INPP5D: variants seen among roughly 807,000 people sequenced by gnomAD.
INPP5D encodes inositol polyphosphate-5-phosphatase D.
Under a neutral mutation model 122.9 loss-of-function variants are expected in INPP5D, and 33 were observed. The observed-to-expected ratio is 0.27, with a 90% CI of 0.20 to 0.36. The LOEUF is 0.36. INPP5D is among the 10% of genes least tolerant of loss of function. The probability of loss-of-function intolerance (pLI) is 1.00; values close to 1 mark genes in which losing one functional copy is unlikely to be tolerated. For missense variants in INPP5D, 1,053 were observed against 1,412.7 expected (o/e 0.75, Z 4.08); for synonymous variants, 584 against 576.2 (o/e 1.01, Z -0.19).
Position 233,078,271 on chromosome 2 carries a change from C to G in INPP5D, c.135-1064C>G, listed in dbSNP as rs1358008769. 6.6e-6 allele frequency among the ~76,000 whole-genome samples: 1 copy of G among 152,232 alleles called. No homozygotes were observed. The highest frequency in any genetic ancestry group is 1.5e-5 in the Non-Finnish European group (1 of 68,042). ...GCTAGCACTTGACAGCCCCCTTTTC[C>G]TCTCACAGGTTTTAGGAAAGTGAAA... On this transcript the variant is annotated intron_variant, in intron 1 of 26. Coordinates refer to ENST00000445964, the MANE Select transcript of INPP5D (RefSeq NM_001017915.3). The surrounding 1 kb of genome is among the most constrained non-coding windows in gnomAD (Gnocchi z 4.6).
At chr2:233,091,292 T>TGG (rs1313477722) in intron 2 of INPP5D, among the ~76,000 whole-genome samples, 16 of 152,254 alleles carry the variant, frequency 1.1e-4, no homozygotes, top group African/African-American at 3.9e-4. Flanking sequence ...TATCGCTGTC[T>TGG]GCAAGGGGAT....
intron 10 of INPP5D, 31 bp downstream of exon 10, chr2:233,158,450 G>T: frequency 1.4e-6 from 1 of 692,958 alleles, no homozygotes; most frequent in East Asian, 2.7e-5. Flanking sequence ...AAAATGGGCT[G>T]TGAGGTAGGG....
chr2:233,075,781 G>A (rs937698493), intron 1 of INPP5D, among the ~76,000 whole-genome samples: 3 of 152,080 alleles, frequency 2.0e-5, no homozygotes, highest in African/African-American at 7.2e-5. Flanking sequence ...TGTGTGGGGT[G>A]GTGCTGTATG....
At chr2:233,176,809 T>A (rs1694652895) in intron 17 of INPP5D, among the ~76,000 whole-genome samples, 2 of 150,906 alleles carry the variant, frequency 1.3e-5, no homozygotes, top group African/African-American at 4.9e-5. Flanking sequence ...GGTAGGTGGA[T>A]GGATGGATGG....
chr2:233,113,796 C>T (rs1266319427), intron 2 of INPP5D, among the ~76,000 whole-genome samples: 3 of 152,190 alleles, frequency 2.0e-5, no homozygotes, highest in Non-Finnish European at 4.4e-5. Flanking sequence ...AGTGGGGTTG[C>T]TTGGACGCCC....
intron 2 of INPP5D, among the ~76,000 whole-genome samples, chr2:233,102,209 A>T (rs1559292049): frequency 6.6e-6 from 1 of 152,200 alleles, no homozygotes; most frequent in Non-Finnish European, 1.5e-5. Context: ...CTTAGTCACA[A>T]ACATTAAAAA....
chr2:233,065,229 C>T (rs955962836), intron 1 of INPP5D, among the ~76,000 whole-genome samples: 15 of 152,050 alleles, frequency 9.9e-5, no homozygotes, highest in Non-Finnish European at 1.9e-4. Flanking sequence ...AGATTAGGCT[C>T]CAGCTTTGAT....
intron 1 of INPP5D, among the ~76,000 whole-genome samples, chr2:233,063,592 C>A (rs1335704594): frequency 3.9e-5 from 6 of 152,272 alleles, no homozygotes; most frequent in African/African-American, 1.2e-4. Context: ...TGCGCACACC[C>A]AGCAAACCCT....
rs1694834317 is a variant in INPP5D at position 233,183,464 on chromosome 2, C to T, written c.2162-944C>T. On this transcript the variant is annotated intron_variant, in intron 19 of 26. Transcript: ENST00000445964. This position sits in a 1 kb window ranked among gnomAD's most constrained non-coding sequence, Gnocchi z 4.6. ...AAGCCTTGACCCACCATCGTGTCTC[C>T]TTCCTAAGTCTGGCCACTGTGCCTT... is the stretch of plus-strand genomic sequence containing the variant. 6.6e-6 allele frequency among the ~76,000 whole-genome samples: 1 copy of T among 152,210 alleles called. No individual in the cohort carries two copies. The highest frequency in any genetic ancestry group is 6.5e-5 in the Admixed American group (1 of 15,290).
chr2:233,134,308 G>T, intron 5 of INPP5D: 1 of 287,238 alleles, frequency 3.5e-6, no homozygotes. Flanking sequence ...GGATGCATAT[G>T]GGGAATCACT....
At chr2:233,085,587 T>C (rs1422294405) in intron 2 of INPP5D, among the ~76,000 whole-genome samples, 2 of 152,174 alleles carry the variant, frequency 1.3e-5, no homozygotes, top group South Asian at 2.1e-4. Flanking sequence ...TTGCAAACTC[T>C]GTTCTTTGAC....
intron 5 of INPP5D, 59 bp downstream of exon 5, chr2:233,130,707 C>T: frequency 6.3e-7 from 1 of 1,575,858 alleles, no homozygotes. Context: ...AGAGAAACAG[C>T]TCATGAGAGC....
At position 233,147,512 on chromosome 2, in the gene INPP5D, C is replaced by G; in HGVS notation, c.948C>G (p.Leu316=). The part of the protein sequence containing the change: ...ESLGIPQKMQ[L]KVDVESGKLI... ...TGGGGATTCCTCAGAAAATGCAGCT[C>G]AAAGTCGACGTTGAGTCTGGGAAAC... The change falls in exon 9 of 27, where the codon CTC becomes CTG. Residue 316 remains leucine, a synonymous_variant. Coordinates refer to ENST00000445964, the MANE Select transcript of INPP5D (RefSeq NM_001017915.3). 1 of 704,290 alleles carries G rather than the reference C, an allele frequency of 1.4e-6. No individual in the cohort carries two copies. The highest frequency in any genetic ancestry group is 2.6e-6 in the Non-Finnish European group (1 of 385,000). The allele number at this position is 704,290 out of a possible 1,614,324, so 43.6% of individuals were successfully genotyped here. A position where few individuals can be genotyped will look rare whatever the true frequency, so the allele number is the denominator to read the frequency against.
chr2:233,101,223 C>T lies in INPP5D; in HGVS notation c.199-20884C>T, dbSNP rs143871857. Among the ~76,000 whole-genome samples, 1,431 of 152,258 alleles carry T rather than the reference C, an allele frequency of 9.4e-3. 8 individuals are homozygous for T. Among genetic ancestry groups the T allele is most frequent in the Middle Eastern group, 0.031 (9 of 294 alleles). Reference sequence around the variant, plus strand: ...GATTTGTAGTGTTTGCCTATTTCTACCGTGGAGACACTCTAACCACAGCTC... The same window carrying T: ...GATTTGTAGTGTTTGCCTATTTCTATCGTGGAGACACTCTAACCACAGCTC... On this transcript the variant is annotated intron_variant, in intron 2 of 26. Coordinates refer to ENST00000445964, the MANE Select transcript of INPP5D (RefSeq NM_001017915.3).
At chr2:233,184,981 C>T (rs1383304996) in intron 20 of INPP5D, among the ~76,000 whole-genome samples, 3 of 151,994 alleles carry the variant, frequency 2.0e-5, no homozygotes, top group Non-Finnish European at 2.9e-5. Flanking sequence ...GGGACTGCAG[C>T]GTCCGAAAGC....
intron 5 of INPP5D, among the ~76,000 whole-genome samples, chr2:233,139,466 C>CTGTGTGTGTGTGTGTGTGTGTGTG (rs1191977468): frequency 2.0e-5 from 3 of 147,440 alleles, no homozygotes; most frequent in African/African-American, 7.5e-5. Context: ...TTGTTAACAC[C>CTGTGTGTGTGTGTGTGTGTGTGTG]TGTGTGTGTG....
At chr2:233,171,179 C>G (rs1364497689) in intron 17 of INPP5D, 27 bp downstream of exon 17, 1 of 1,611,846 alleles carries the variant, frequency 6.2e-7, no homozygotes, top group East Asian at 2.2e-5. Flanking sequence ...GACACCTTCC[C>G]TGCCCTCCAT....
intron 2 of INPP5D, among the ~76,000 whole-genome samples, chr2:233,096,350 C>A (rs755645517): frequency 6.6e-6 from 1 of 152,170 alleles, no homozygotes; most frequent in African/African-American, 2.4e-5. Context: ...GCATTTCTCT[C>A]ATTAGAAATG....
intron 5 of INPP5D, among the ~76,000 whole-genome samples, chr2:233,131,616 C>T (rs527747832): frequency 2.0e-5 from 3 of 152,294 alleles, no homozygotes; most frequent in African/African-American, 7.2e-5. Flanking sequence ...AGGAGAATCA[C>T]TTGAACCTGG....
Sources: allele counts gnomAD v4.1 joint callset (sites outside exome capture counted in the v4.1 genomes callset), GRCh38; gene constraint gnomAD v4.1.1; non-coding constraint Gnocchi (gnomAD v3.1); transcripts MANE v1.5; gene names NCBI Gene and HGNC (gene_info 2026-07-23, HGNC 2026-07-21).